Variants in ZNF438 observed in about 807,000 individuals in gnomAD.
The protein encoded by ZNF438 is zinc finger protein 438.
ZNF438 carries 25 observed loss-of-function variants against 38.0 expected under a neutral mutation model. The ratio of observed to expected loss-of-function variants is 0.66; its 90% CI spans 0.48 to 0.92. ZNF438 has a LOEUF of 0.92. ZNF438 is among the 40% of genes least tolerant of loss of function. The pLI, the probability that ZNF438 is intolerant of heterozygous loss-of-function variation, is 0.00. For synonymous variants in ZNF438, 372 were observed against 364.1 expected, an observed-to-expected ratio of 1.02 and a Z score of -0.25; for missense variants, 1,007 against 999.6, an observed-to-expected ratio of 1.01 and a Z score of -0.10.
intron 3 of ZNF438, among the ~76,000 whole-genome samples, chr10:30,899,043 T>C (rs1328152278): frequency 2.0e-5 from 3 of 152,166 alleles, no homozygotes; most frequent in Non-Finnish European, 4.4e-5. Context: ...ATTCTATCTT[T>C]TCTTTGCACA....
Position 30,862,644 on chromosome 10 carries a change from C to T in ZNF438, c.38-12277G>A, listed in dbSNP as rs57380250. Among the ~76,000 whole-genome samples the T allele has an allele frequency of 5.9e-3, 900 of 152,298 alleles. 8 individuals carry two copies. Among genetic ancestry groups the T allele is most frequent in the African/African-American group, 0.021 (866 of 41,562 alleles). On this transcript the variant is annotated intron_variant, in intron 4 of 5. Coordinates refer to ENST00000413025, the Ensembl canonical transcript of ZNF438. ...AATAGCAGTTGCAACAGTTAAGTAT[C>T]TTTGATGACTAACAAGATGACAGTT...
At chr10:30,976,832 A>G (rs1194140926) in intron 1 of ZNF438, among the ~76,000 whole-genome samples, 1 of 152,174 alleles carries the variant, frequency 6.6e-6, no homozygotes, top group Non-Finnish European at 1.5e-5. Flanking sequence ...ACATTAACAC[A>G]TACACCAAAA....
intron 1 of ZNF438, among the ~76,000 whole-genome samples, chr10:30,976,778 G>A (rs1400933874): frequency 6.7e-6 from 1 of 150,106 alleles, no homozygotes. Context: ...TCTGATAAAA[G>A]GTATAATCCT....
chr10:30,912,562 C>T (rs947044357), intron 2 of ZNF438, among the ~76,000 whole-genome samples: 12 of 152,096 alleles, frequency 7.9e-5, no homozygotes, highest in Admixed American at 1.3e-4. Flanking sequence ...CAGACCCCTT[C>T]TATGAGCTCC....
At chr10:30,935,103 C>T (rs188547548) in intron 2 of ZNF438, among the ~76,000 whole-genome samples, 73 of 152,340 alleles carry the variant, frequency 4.8e-4, no homozygotes, top group African/African-American at 1.7e-3. Context: ...CATTTGGAAA[C>T]TCCCTAGCTT....
chr10:30,887,981 G>A (rs2040180473), intron 3 of ZNF438, among the ~76,000 whole-genome samples: 1 of 152,026 alleles, frequency 6.6e-6, no homozygotes, highest in Non-Finnish European at 1.5e-5. Context: ...CCTTTCTGTT[G>A]CTGAATCATA....
chr10:30,933,986 A>G (rs574942167), intron 2 of ZNF438, among the ~76,000 whole-genome samples: 1 of 152,124 alleles, frequency 6.6e-6, no homozygotes, highest in South Asian at 2.1e-4. Context: ...CTCTACTAAA[A>G]ATACAAAAAA....
chr10:30,913,165 G>C (rs1336157336), intron 2 of ZNF438, among the ~76,000 whole-genome samples: 1 of 151,960 alleles, frequency 6.6e-6, no homozygotes, highest in Non-Finnish European at 1.5e-5. Flanking sequence ...TTGCAAATCT[G>C]GACAAGTCAA....
chr10:30,987,012 GTTCACATATAA>G (rs1287380625), intron 1 of ZNF438, among the ~76,000 whole-genome samples: 1 of 152,082 alleles, frequency 6.6e-6, no homozygotes, highest in Non-Finnish European at 1.5e-5. Flanking sequence ...CTTGGCTGTG[GTTCACATATAA>G]TTCACAGCTG....
intron 1 of ZNF438, among the ~76,000 whole-genome samples, chr10:30,978,726 T>A (rs1032621975): frequency 2.6e-5 from 4 of 152,204 alleles, no homozygotes; most frequent in Non-Finnish European, 5.9e-5. Context: ...GTAAATGGAA[T>A]CAGTTGTGGT....
chr10:30,960,642 G>A lies in ZNF438; in HGVS notation c.-191-18991C>T, dbSNP rs1277614902. ...TATGCTTATCCTATGCCACGGCCAC[G>A]TTGTCCTGAATACTGTCACCTTAGA... On this transcript the variant is annotated intron_variant, in intron 1 of 5. Transcript: ENST00000413025. 1.4e-5 allele frequency among the ~76,000 whole-genome samples: 2 copies of A among 146,520 alleles called. 1 individual carries two copies. The highest frequency in any genetic ancestry group is 1.4e-4 in the Admixed American group (2 of 14,510).
chr10:30,984,108 CTA>C (rs1267911344), intron 1 of ZNF438, among the ~76,000 whole-genome samples: 3 of 152,062 alleles, frequency 2.0e-5, no homozygotes, highest in African/African-American at 4.8e-5. Flanking sequence ...TGCCATACTT[CTA>C]TGTCTTATAA....
chr10:30,858,097 A>C (rs889598783), intron 4 of ZNF438, among the ~76,000 whole-genome samples: 1 of 152,214 alleles, frequency 6.6e-6, no homozygotes, highest in African/African-American at 2.4e-5. Context: ...TGCAGAAGGG[A>C]GCAGGCAGAG....
At chr10:30,848,543 C>G in exon 5 of ZNF438, 1 of 1,611,254 alleles carries the variant, frequency 6.2e-7, no homozygotes, top group Non-Finnish European at 8.5e-7. Flanking sequence ...CTCCAATGAT[C>G]CCTCCATGCC....
chr10:30,903,550 A>T (rs538238333), intron 3 of ZNF438, among the ~76,000 whole-genome samples: 207 of 152,182 alleles, frequency 1.4e-3, no homozygotes, highest in Non-Finnish European at 2.2e-3. Flanking sequence ...TTCATTACTT[A>T]CCTAAAAATG....
At chr10:30,854,795 T>C (rs1435793271) in intron 4 of ZNF438, among the ~76,000 whole-genome samples, 1 of 151,926 alleles carries the variant, frequency 6.6e-6, no homozygotes, top group African/African-American at 2.4e-5. Context: ...GTGGGGGGAT[T>C]AGAGCGAAGA....
At chr10:30,939,210 C>T (rs945731331) in intron 2 of ZNF438, among the ~76,000 whole-genome samples, 2 of 152,170 alleles carry the variant, frequency 1.3e-5, no homozygotes, top group Non-Finnish European at 2.9e-5. Context: ...AAATTAAATT[C>T]TCTGAAATTT....
At chr10:30,940,532 T>C (rs973548606) in intron 2 of ZNF438, among the ~76,000 whole-genome samples, 1 of 152,026 alleles carries the variant, frequency 6.6e-6, no homozygotes, top group Non-Finnish European at 1.5e-5. Flanking sequence ...TGAAGAACAA[T>C]GAGAGTTCAG....
At chr10:31,000,043 A>G (rs1378943456) in intron 1 of ZNF438, among the ~76,000 whole-genome samples, 1 of 152,152 alleles carries the variant, frequency 6.6e-6, no homozygotes, top group Non-Finnish European at 1.5e-5. Context: ...AATGTCACTC[A>G]TTCTCATGAC....
Sources: gnomAD v4.1 joint callset for allele counts (sites outside exome capture counted in the v4.1 genomes callset) on GRCh38, gnomAD v4.1.1 for gene constraint, MANE v1.5 for transcripts, NCBI Gene and HGNC (gene_info 2026-07-23, HGNC 2026-07-21) for gene names.